CAST: variants seen among roughly 807,000 people sequenced by gnomAD.
CAST encodes the protein calpastatin, also known as MIR583 host.
A neutral mutation model predicts 119.6 loss-of-function variants in CAST; 76 were observed. The ratio of observed to expected loss-of-function variants is 0.64; its 90% CI spans 0.53 to 0.77. The LOEUF (loss-of-function observed/expected upper bound fraction) is 0.77, where lower values mean the gene tolerates loss of function less well. Ranked by LOEUF, CAST falls within the 30% of genes least tolerant of loss-of-function variation. CAST has a pLI of 0.00. For synonymous variants in CAST, 319 were observed against 331.6 expected, an observed-to-expected ratio of 0.96 and a Z score of 0.41; for missense variants, 953 against 946.5, an observed-to-expected ratio of 1.01 and a Z score of -0.09.
At position 96,584,134 on chromosome 5, in the gene CAST, A is replaced by C. The variant is rs143239089; in HGVS notation, c.60+54254A>C. 3.4e-3 allele frequency among the ~76,000 whole-genome samples: 513 copies of C among 152,278 alleles called. 3 individuals are homozygous for C. The highest frequency in any genetic ancestry group is 0.01 in the Middle Eastern group (3 of 294). Reference sequence around the variant, plus strand: ...AATTTTTCCACAGACAAGGGGTGGGAGGAGATGGTTTCAAGATGAAACTGT... The same window carrying C: ...AATTTTTCCACAGACAAGGGGTGGGCGGAGATGGTTTCAAGATGAAACTGT... On this transcript the variant is annotated intron_variant, in intron 1 of 11. Coordinates refer to the CAST transcript ENST00000505143.
At chr5:96,104,459 C>A in the CAST span, among the ~76,000 whole-genome samples, 1 of 152,020 alleles carries the variant, frequency 6.6e-6, no homozygotes, top group African/African-American at 2.4e-5. Flanking sequence ...ATATGGCTAG[C>A]CAGTTTTCCC....
At chr5:96,463,274 TAC>T in the CAST span, among the ~76,000 whole-genome samples, 1 of 152,152 alleles carries the variant, frequency 6.6e-6, no homozygotes, top group Non-Finnish European at 1.5e-5. Flanking sequence ...ACATTGATGG[TAC>T]ACAGTGAATT....
the CAST span, chr5:96,393,199 G>A: frequency 1.2e-6 from 2 of 1,614,088 alleles, no homozygotes; most frequent in African/African-American, 1.3e-5. Context: ...TTGCACTTGG[G>A]GACTTCTTTG....
At chr5:96,236,970 T>A in the CAST span, among the ~76,000 whole-genome samples, 2 of 152,240 alleles carry the variant, frequency 1.3e-5, no homozygotes, top group Non-Finnish European at 2.9e-5. Context: ...TCAGAAGTAC[T>A]GTCTTCTTCC....
chr5:95,961,655 C>G, the CAST span: 2 of 1,610,506 alleles, frequency 1.2e-6, no homozygotes, highest in African/African-American at 2.7e-5. Context: ...TTGTCCTGCC[C>G]CAGCCGTCCG....
the CAST span, among the ~76,000 whole-genome samples, chr5:96,232,284 A>T: frequency 6.6e-6 from 1 of 152,086 alleles, no homozygotes; most frequent in Non-Finnish European, 1.5e-5. Flanking sequence ...GGTGACTCTG[A>T]TGCAAATAGA....
the CAST span, among the ~76,000 whole-genome samples, chr5:96,346,646 A>T: frequency 1.3e-5 from 2 of 152,136 alleles, no homozygotes; most frequent in Non-Finnish European, 2.9e-5. Flanking sequence ...AAACCTCATA[A>T]TGTATCGTCT....
At chr5:95,993,037 A>G in the CAST span, among the ~76,000 whole-genome samples, 1 of 152,232 alleles carries the variant, frequency 6.6e-6, no homozygotes, top group African/African-American at 2.4e-5. Flanking sequence ...TTATACAGCT[A>G]TAATAATCAA....
chr5:96,262,569 C>T, the CAST span, among the ~76,000 whole-genome samples: 2 of 152,054 alleles, frequency 1.3e-5, no homozygotes, highest in Non-Finnish European at 2.9e-5. Flanking sequence ...TTGCTCTGTC[C>T]TCCAAGCTGG....
the CAST span, chr5:96,319,120 C>G: frequency 6.6e-6 from 1 of 152,228 alleles, no homozygotes; most frequent in African/African-American, 2.4e-5. Flanking sequence ...GAAGGGGAAG[C>G]AGGCATGTCA....
chr5:96,342,028 A>G, the CAST span, among the ~76,000 whole-genome samples: 1 of 152,306 alleles, frequency 6.6e-6, no homozygotes, highest in African/African-American at 2.4e-5. Flanking sequence ...ACAGTCCTCA[A>G]TGTGAGACCA....
the CAST span, among the ~76,000 whole-genome samples, chr5:96,360,950 G>T: frequency 1.3e-5 from 2 of 152,198 alleles, no homozygotes; most frequent in Admixed American, 1.3e-4. Flanking sequence ...CTTCCCCCAG[G>T]TGCTGTGTCC....
At chr5:96,554,275 G>A (rs528471662) in intron 1 of CAST, among the ~76,000 whole-genome samples, 57 of 152,288 alleles carry the variant, frequency 3.7e-4, no homozygotes, top group African/African-American at 1.3e-3. Flanking sequence ...TCTGATCTTT[G>A]ACAAACTTGA....
the CAST span, chr5:96,393,100 A>G: frequency 6.2e-7 from 1 of 1,614,182 alleles, no homozygotes; most frequent in Non-Finnish European, 8.5e-7. Flanking sequence ...CATAGTCATT[A>G]TACAGACTGT....
chr5:96,332,997 C>G, the CAST span, among the ~76,000 whole-genome samples: 3 of 152,146 alleles, frequency 2.0e-5, no homozygotes, highest in Non-Finnish European at 4.4e-5. Flanking sequence ...GTTGTTTGTC[C>G]TTTCTCTCTT....
Position 96,644,142 on chromosome 5 carries a change from C to T in CAST, c.61-31397C>T, listed in dbSNP as rs549053800. Among the ~76,000 whole-genome samples the T allele has an allele frequency of 2.4e-3, 372 of 152,126 alleles. 1 individual carries two copies. Among genetic ancestry groups the T allele is most frequent in the Non-Finnish European group, 3.6e-3 (245 of 68,004 alleles). ...CACATCTCTGTGAATATACTAAAAACCATGGAATTGTATACTTCATATGGG... is the reference window on the plus strand; with the variant it reads ...CACATCTCTGTGAATATACTAAAAATCATGGAATTGTATACTTCATATGGG... On this transcript the variant is annotated intron_variant, in intron 1 of 11. Coordinates refer to the CAST transcript ENST00000505143.
the CAST span, among the ~76,000 whole-genome samples, chr5:96,401,839 C>A: frequency 6.6e-6 from 1 of 152,142 alleles, no homozygotes; most frequent in African/African-American, 2.4e-5. Context: ...GAATGCTGGG[C>A]ACAGGGTATA....
At chr5:96,058,302 C>G in the CAST span, among the ~76,000 whole-genome samples, 1 of 152,148 alleles carries the variant, frequency 6.6e-6, no homozygotes, top group Admixed American at 6.6e-5. Flanking sequence ...GGAATAAAGG[C>G]TCAATCCTAT....
At chr5:96,456,814 T>A in the CAST span, among the ~76,000 whole-genome samples, 3 of 152,202 alleles carry the variant, frequency 2.0e-5, no homozygotes, top group Non-Finnish European at 2.9e-5. Context: ...CAGGTGGAGA[T>A]AACTGAATCA....
Sources: allele counts gnomAD v4.1 joint callset (sites outside exome capture counted in the v4.1 genomes callset), GRCh38; gene constraint gnomAD v4.1.1; transcripts MANE v1.5; gene names NCBI Gene and HGNC (gene_info 2026-07-23, HGNC 2026-07-21).